MKRN1: variants seen among roughly 807,000 people sequenced by gnomAD.
The protein encoded by MKRN1 is makorin ring finger protein 1.
Under a neutral mutation model 55.5 loss-of-function variants are expected in MKRN1, and 9 were observed. The ratio of observed to expected loss-of-function variants is 0.16; its 90% CI spans 0.10 to 0.28. The LOEUF is 0.28. MKRN1 is among the 10% of genes least tolerant of loss of function. MKRN1 has a pLI of 1.00. For synonymous variants in MKRN1, 253 were observed against 235.9 expected (o/e 1.07, Z -0.66); for missense variants, 488 against 626.7 (o/e 0.78, Z 2.36).
intron 1 of MKRN1, among the ~76,000 whole-genome samples, chr7:140,477,962 A>G (rs188483435): frequency 6.2e-4 from 94 of 152,354 alleles, no homozygotes; most frequent in African/African-American, 2.2e-3. Context: ...TATGCTTTCT[A>G]CATCCCATTA....
intron 2 of MKRN1, among the ~76,000 whole-genome samples, chr7:140,464,281 A>G (rs968907802): frequency 2.0e-5 from 3 of 152,142 alleles, no homozygotes; most frequent in Admixed American, 6.5e-5. Flanking sequence ...GCTCCAGCCT[A>G]TAATTCCAGC....
intron 1 of MKRN1, among the ~76,000 whole-genome samples, chr7:140,474,003 AAAAAAGAAAGAAAGAAAGAAAG>A (rs1795022470): frequency 7.7e-6 from 1 of 129,426 alleles, no homozygotes; most frequent in Non-Finnish European, 1.6e-5. Flanking sequence ...AAAAAAAAAA[AAAAAAGAAAGAAAGAAAGAAAG>A]AAAGAAAGAA....
In MKRN1 at chr7:140,471,958, T is replaced by C; in HGVS notation, c.239A>G (p.Asp80Gly). 6.2e-7 allele frequency: 1 copy of C among 1,613,974 alleles called. No homozygotes were observed. The highest frequency in any genetic ancestry group is 8.5e-7 in the Non-Finnish European group (1 of 1,180,018). Residue 80 changes from aspartate to glycine, a missense_variant, in exon 2 of 8, where the codon GAC becomes GGC. By Grantham distance (94) the Asp-to-Gly change is moderately conservative. This residue lies in a region of MKRN1 where 210 missense variants were observed against 220.0 expected (regional missense o/e 0.95). Coordinates refer to ENST00000255977, the MANE Select transcript of MKRN1 (RefSeq NM_013446.4). ...KEGDNCRYSHDLSDSPYSVVC... is the reference protein window; with the variant it reads ...KEGDNCRYSHGLSDSPYSVVC... Reference sequence around the variant, plus strand: ...TACACTATACGGACTGTCAGAGAGGTCATGCGAGTAGCGACAGTTGTCTCC... The same window carrying C: ...TACACTATACGGACTGTCAGAGAGGCCATGCGAGTAGCGACAGTTGTCTCC...
At position 140,471,980 on chromosome 7, in the gene MKRN1, C is replaced by G. The variant is rs764444396; in HGVS notation, c.217G>C (p.Asp73His). 6.8e-6 allele frequency: 11 copies of G among 1,614,160 alleles called. No homozygotes were observed. The highest frequency in any genetic ancestry group is 3.3e-5 in the Admixed American group (2 of 60,016). Residue 73 changes from aspartate (D) to histidine (H), a missense_variant, in exon 2 of 8, where the codon GAC becomes CAC. Physicochemically the swap from Asp to His is moderately conservative, Grantham distance 81. Around this residue, in one of 2 missense-constraint regions of MKRN1, gnomAD observed 210 missense variants for 220.0 expected, o/e 0.95. Transcript: ENST00000255977. ...AGGTCATGCGAGTAGCGACAGTTGT[C>G]TCCTTCCTTACAAACCCCATGCATA... ...YFMHGVCKEG[D>H]NCRYSHDLSD...
chr7:140,455,411 G>A (rs993493905), intron 6 of MKRN1, 178 bp from the exon 7 acceptor site: 16 of 720,510 alleles, frequency 2.2e-5, no homozygotes, highest in Non-Finnish European at 3.1e-5. Flanking sequence ...ACTAGAAACC[G>A]GTAACTCTGT....
At chr7:140,466,475 G>A (rs986208323) in intron 2 of MKRN1, among the ~76,000 whole-genome samples, 18 of 152,104 alleles carry the variant, frequency 1.2e-4, no homozygotes, top group African/African-American at 2.2e-4. Context: ...GACCAACCTC[G>A]GTGAGATAGG....
intron 2 of MKRN1, among the ~76,000 whole-genome samples, chr7:140,467,518 T>G (rs1439856729): frequency 6.6e-6 from 1 of 151,920 alleles, no homozygotes; most frequent in African/African-American, 2.4e-5. Flanking sequence ...CCTCAAGTGA[T>G]CCGCCCACCT....
At chr7:140,476,649 G>C (rs1328322457) in intron 1 of MKRN1, among the ~76,000 whole-genome samples, 2 of 149,864 alleles carry the variant, frequency 1.3e-5, no homozygotes, top group Admixed American at 1.3e-4. Context: ...CATTTACTCA[G>C]TATCTGCTCA....
chr7:140,472,100 A>C lies in MKRN1; in HGVS notation c.186-89T>G, dbSNP rs1200784844. On this transcript the variant is annotated intron_variant, in intron 1 of 7. Coordinates refer to ENST00000255977, the MANE Select transcript of MKRN1 (RefSeq NM_013446.4). ...GTATTCATGACTAATATATTCAACC[A>C]GTAAATACACAAACATACGAAATAA... 2.0e-6 allele frequency: 3 copies of C among 1,537,578 alleles called. No homozygotes were observed. In the African/African-American group the frequency reaches 4.1e-5, roughly 21 times the overall value.
chr7:140,471,478 A>G (rs1563095162), intron 2 of MKRN1, among the ~76,000 whole-genome samples: 1 of 151,206 alleles, frequency 6.6e-6, no homozygotes, highest in Non-Finnish European at 1.5e-5. Context: ...GCCCTACCCA[A>G]TTTTTTTTTA....
intron 1 of MKRN1, 55 bp downstream of exon 1, chr7:140,479,105 G>C: frequency 7.8e-7 from 1 of 1,282,342 alleles, no homozygotes; most frequent in Non-Finnish European, 9.8e-7. Flanking sequence ...CCGCGCCGCA[G>C]GCTTGGCCCG....
chr7:140,471,911 C>T lies in MKRN1; in HGVS notation c.286G>A (p.Gly96Arg). Residue 96 changes from glycine to arginine, a missense_variant, in exon 2 of 8, where the codon GGG (glycine) becomes AGG (arginine). Coordinates refer to ENST00000255977, the MANE Select transcript of MKRN1 (RefSeq NM_013446.4). ...CAGCGGTCTCCATAAATACAGTACC[C>T]TCGCTGAAAATACTTGCACACTACA... The part of the protein sequence containing the change: ...YSVVCKYFQR[G>R]YCIYGDRCRY... 1 of 1,614,044 alleles carries T rather than the reference C, an allele frequency of 6.2e-7. No homozygotes were observed.
intron 1 of MKRN1, chr7:140,478,172 T>C (rs1234139932): frequency 2.6e-5 from 4 of 152,254 alleles, no homozygotes. Flanking sequence ...AAAACCGGCA[T>C]TTCAGTTGAT....
chr7:140,459,306 C>T, intron 3 of MKRN1, 73 bp from the exon 4 acceptor site: 2 of 1,455,360 alleles, frequency 1.4e-6, no homozygotes, highest in Middle Eastern at 3.5e-4. Context: ...GAGAATCTAA[C>T]CGCAAAAAAT....
chr7:140,463,503 A>G (rs1025881348), intron 2 of MKRN1, among the ~76,000 whole-genome samples: 3 of 152,256 alleles, frequency 2.0e-5, no homozygotes, highest in Non-Finnish European at 4.4e-5. Flanking sequence ...AGCTACCGTT[A>G]GATAGCAACA....
chr7:140,469,538 T>C (rs915501372), intron 2 of MKRN1, among the ~76,000 whole-genome samples: 7 of 152,164 alleles, frequency 4.6e-5, no homozygotes, highest in African/African-American at 1.7e-4. Flanking sequence ...ATTGTGGCTT[T>C]TCCTTGCCTC....
chr7:140,460,136 A>G (rs1489570697), intron 2 of MKRN1, 200 bp from the exon 3 acceptor site: 1 of 571,658 alleles, frequency 1.7e-6, no homozygotes, highest in South Asian at 1.9e-5. Context: ...AATCCCAACT[A>G]CTCGGGAGGC....
At chr7:140,466,261 A>T (rs1362436125) in intron 2 of MKRN1, among the ~76,000 whole-genome samples, 1 of 152,196 alleles carries the variant, frequency 6.6e-6, no homozygotes, top group Non-Finnish European at 1.5e-5. Context: ...GTAGACTACT[A>T]TAGTTTCTCT....
At chr7:140,477,305 CTCTTTCTTT>C (rs1206676912) in intron 1 of MKRN1, among the ~76,000 whole-genome samples, 2 of 148,596 alleles carry the variant, frequency 1.3e-5, no homozygotes, top group South Asian at 2.1e-4. Flanking sequence ...TAAATCTAAG[CTCTTTCTTT>C]TCTTTCTTTT....
Sources: gnomAD v4.1 joint callset for allele counts (sites outside exome capture counted in the v4.1 genomes callset) on GRCh38, gnomAD v4.1.1 for gene constraint, gnomAD v4.1.1 regional missense constraint, MANE v1.5 for transcripts, NCBI Gene and HGNC (gene_info 2026-07-23, HGNC 2026-07-21) for gene names.